RSF1: variants seen among roughly 807,000 people sequenced by gnomAD.
RSF1 encodes HBV pX-associated protein 8.
A neutral mutation model predicts 145.2 loss-of-function variants in RSF1; 13 were observed. The observed-to-expected ratio is 0.09, with a 90% CI of 0.06 to 0.14. RSF1 has a LOEUF of 0.14. RSF1 is among the 10% of genes least tolerant of loss of function. The probability of loss-of-function intolerance (pLI) is 1.00; values close to 1 mark genes in which losing one functional copy is unlikely to be tolerated. For missense variants in RSF1, 1,517 were observed against 1,718.2 expected, an observed-to-expected ratio of 0.88 and a Z score of 2.07; for synonymous variants, 577 against 592.6, an observed-to-expected ratio of 0.97 and a Z score of 0.38.
chr11:77,871,335 C>A, the RSF1 span, among the ~76,000 whole-genome samples: 1 of 152,090 alleles, frequency 6.6e-6, no homozygotes, highest in East Asian at 1.9e-4. Flanking sequence ...TTAAGAACAT[C>A]TTTTATATAA....
At chr11:77,848,177 A>G in the RSF1 span, among the ~76,000 whole-genome samples, 2 of 152,312 alleles carry the variant, frequency 1.3e-5, no homozygotes, top group African/African-American at 2.4e-5. Flanking sequence ...ACCATCAAAG[A>G]TACTTATGTG....
At chr11:77,752,160 T>C (rs1250811488) in intron 2 of RSF1, among the ~76,000 whole-genome samples, 1 of 152,212 alleles carries the variant, frequency 6.6e-6, no homozygotes, top group Non-Finnish European at 1.5e-5. Context: ...CAAGAAGTTA[T>C]TTATTTTTCT....
At position 77,698,712 on chromosome 11, in the gene RSF1, A is replaced by G. The variant is rs559001437; in HGVS notation, c.2509-19T>C. ...GTTTTACCTTGTATAAAATAAAAAA[A>G]ATTGGGATAATTTGATATAAGAATG... On this transcript the variant is annotated intron_variant, in intron 6 of 15. Transcript: ENST00000308488. 1.3e-6 allele frequency: 2 copies of G among 1,596,480 alleles called. No individual in the cohort carries two copies. Among genetic ancestry groups the G allele is most frequent in the African/African-American group, 1.3e-5 (1 of 74,472 alleles).
chr11:77,778,190 G>GAGAGGAT (rs1948365228), intron 1 of RSF1, among the ~76,000 whole-genome samples: 1 of 37,550 alleles, frequency 2.7e-5, no homozygotes, highest in African/African-American at 1.5e-4. Flanking sequence ...GGGGAGGGGT[G>GAGAGGAT]GGGGAGGGAA....
At chr11:77,825,850 T>A (rs891945497), upstream of RSF1, among the ~76,000 whole-genome samples, 9 of 152,036 alleles carry the variant, frequency 5.9e-5, no homozygotes, top group Non-Finnish European at 1.0e-4. Context: ...TGCCACTACA[T>A]CCGGCTAATT....
At chr11:77,776,076 T>C (rs941520521) in intron 1 of RSF1, among the ~76,000 whole-genome samples, 4 of 152,118 alleles carry the variant, frequency 2.6e-5, no homozygotes, top group African/African-American at 9.7e-5. Flanking sequence ...CTGGGCATGG[T>C]AGCATGTGCT....
At position 77,702,303 on chromosome 11, in the gene RSF1, T is replaced by C. The variant is rs1316042529; in HGVS notation, c.926A>G (p.Lys309Arg). ...LPENEEKKII[K>R]EESDSFKENV... ...TTCCTTGAAGGAATCACTTTCTTCT[T>C]TGATAATCTTTTTTTCTTCATTTTC... The change falls in exon 6 of 16, where the codon AAA becomes AGA. Residue 309 changes from lysine to arginine, a missense_variant. Physicochemically the swap from Lys to Arg is conservative, Grantham distance 26 (BLOSUM62 2). Coordinates refer to ENST00000308488, the MANE Select transcript of RSF1 (RefSeq NM_016578.4). 1.2e-5 allele frequency: 20 copies of C among 1,609,724 alleles called. No homozygotes were observed. Among genetic ancestry groups the C allele is most frequent in the Non-Finnish European group, 1.6e-5 (19 of 1,179,070 alleles).
At chr11:77,733,557 A>ATT (rs11353278) in intron 4 of RSF1, among the ~76,000 whole-genome samples, 17 of 124,288 alleles carry the variant, frequency 1.4e-4, no homozygotes, top group South Asian at 4.9e-4. Flanking sequence ...TACATCTTTG[A>ATT]TTTTTTTTTT....
At chr11:77,796,084 T>G (rs1239498058) in intron 1 of RSF1, among the ~76,000 whole-genome samples, 1 of 152,192 alleles carries the variant, frequency 6.6e-6, no homozygotes, top group Non-Finnish European at 1.5e-5. Context: ...TTGTGTCTAT[T>G]TGATTCTTCT....
intron 8 of RSF1, 113 bp from the exon 9 acceptor site, chr11:77,691,351 G>GT (rs1205860982): frequency 1.3e-6 from 1 of 781,762 alleles, no homozygotes; most frequent in African/African-American, 1.7e-5. Flanking sequence ...GGACCACATA[G>GT]TAAGTGAACA....
At chr11:77,735,087 A>G (rs1322136327) in intron 4 of RSF1, 4 of 979,718 alleles carry the variant, frequency 4.1e-6, no homozygotes, top group Non-Finnish European at 6.3e-6. Flanking sequence ...GGGCGGCGGC[A>G]GGGGCCTTGG....
At chr11:77,739,373 A>T (rs1961450416) in intron 4 of RSF1, 1 of 152,468 alleles carries the variant, frequency 6.6e-6, no homozygotes, top group African/African-American at 2.4e-5. Context: ...TAACAGAAAC[A>T]GTGGTATAAT....
At chr11:77,754,526 G>A (rs779974500) in intron 2 of RSF1, among the ~76,000 whole-genome samples, 2 of 152,024 alleles carry the variant, frequency 1.3e-5, no homozygotes, top group Non-Finnish European at 2.9e-5. Context: ...AGGATTGCTT[G>A]AGCCCAGGAG....
chr11:77,754,761 AAAAAAC>A (rs916022318), intron 2 of RSF1, among the ~76,000 whole-genome samples: 1 of 152,012 alleles, frequency 6.6e-6, no homozygotes, highest in African/African-American at 2.4e-5. Context: ...GAAAACCCCC[AAAAAAC>A]AAAAACTAAA....
Position 77,775,060 on chromosome 11 carries a change from C to T in RSF1, c.188-10371G>A, listed in dbSNP as rs184592928. Among the ~76,000 whole-genome samples the T allele has an allele frequency of 6.6e-5, 10 of 151,716 alleles. No individual in the cohort carries two copies. The East Asian group carries it at 1.2e-3, about 18-fold the overall frequency. On this transcript the variant is annotated intron_variant, in intron 1 of 15. Transcript: ENST00000308488. Reference sequence around the variant, plus strand: ...GATTACAGGCGTGAGCCACTGCGCCCGGCCGTGAAACCCTGTTTCTACTAA... The same window carrying T: ...GATTACAGGCGTGAGCCACTGCGCCTGGCCGTGAAACCCTGTTTCTACTAA...
At position 77,671,864 on chromosome 11, in the gene RSF1, C is replaced by A. The variant is rs531569852; in HGVS notation, c.3751+178G>T. ...GGACAGGCTGGTCTTGAACTCCTGG[C>A]CTCAAGTGATCTGCATGCCCTGGCC... On this transcript the variant is annotated intron_variant, in intron 15 of 15. Transcript: ENST00000308488. 4.8e-4 allele frequency among the ~76,000 whole-genome samples: 73 copies of A among 152,216 alleles called. 3 individuals carry two copies. In the South Asian group the frequency reaches 0.015, roughly 31 times the overall value.
intron 1 of RSF1, among the ~76,000 whole-genome samples, chr11:77,803,934 A>G (rs1948651728): frequency 6.6e-6 from 1 of 152,184 alleles, no homozygotes; most frequent in Admixed American, 6.5e-5. Flanking sequence ...TAACTAAATT[A>G]ACTGGGCATG....
At position 77,803,380 on chromosome 11, in the gene RSF1, C is replaced by G. The variant is rs563645570; in HGVS notation, c.187+17148G>C. ...CAGGCTAGTCTTGAATTCCTGAGCT[C>G]AAGCGATTCACCCACCTCGGCCTCC... On this transcript the variant is annotated intron_variant, in intron 1 of 15. Transcript: ENST00000308488. Among the ~76,000 whole-genome samples, 5 of 152,026 alleles carry G rather than the reference C, an allele frequency of 3.3e-5. No homozygotes were observed. In the East Asian group the frequency reaches 9.8e-4, roughly 30 times the overall value.
In RSF1 at chr11:77,794,985, C is replaced by T. The variant is rs117959749; in HGVS notation, c.187+25543G>A. On this transcript the variant is annotated intron_variant, in intron 1 of 15. Coordinates refer to ENST00000308488, the MANE Select transcript of RSF1 (RefSeq NM_016578.4). ...AGATTTTACCAAATACCTCTTAGAA[C>T]ATTCAGTAATGCCGCAAGAGACAAA... 4.0e-3 allele frequency among the ~76,000 whole-genome samples: 603 copies of T among 152,232 alleles called. 1 individual carries two copies. Among genetic ancestry groups the T allele is most frequent in the Non-Finnish European group, 6.2e-3 (419 of 68,006 alleles).
Sources: allele counts gnomAD v4.1 joint callset (sites outside exome capture counted in the v4.1 genomes callset), GRCh38; gene constraint gnomAD v4.1.1; transcripts MANE v1.5; gene names NCBI Gene and HGNC (gene_info 2026-07-23, HGNC 2026-07-21).